Variants in DSN1 observed in about 807,000 individuals in gnomAD.
DSN1 encodes the protein kinetochore-associated protein DSN1 homolog.
A neutral mutation model predicts 45.7 loss-of-function variants in DSN1; 31 were observed. The observed-to-expected ratio is 0.68, with a 90% CI of 0.51 to 0.92. DSN1 has a LOEUF of 0.92. DSN1 is among the 40% of genes least tolerant of loss of function. The probability of loss-of-function intolerance (pLI) is 0.00; values close to 1 mark genes in which losing one functional copy is unlikely to be tolerated. For synonymous variants in DSN1, 134 were observed against 142.3 expected, an observed-to-expected ratio of 0.94 and a Z score of 0.41; for missense variants, 394 against 414.2, an observed-to-expected ratio of 0.95 and a Z score of 0.42.
chr20:36,762,629 G>T, intron 5 of DSN1, 81 bp from the exon 6 acceptor site: 3 of 1,311,420 alleles, frequency 2.3e-6, no homozygotes, highest in Non-Finnish European at 3.2e-6. Context: ...GTATATTAAG[G>T]TAGTCTCAGC....
chr20:36,754,728 G>A (rs1291564689), intron 10 of DSN1, 35 bp downstream of exon 10: 12 of 1,586,582 alleles, frequency 7.6e-6, no homozygotes, highest in Non-Finnish European at 1.0e-5. Context: ...ATGGAAAACA[G>A]CCTGAACTCT....
At chr20:36,766,680 T>C in intron 5 of DSN1, 89 bp downstream of exon 5, 3 of 1,168,466 alleles carry the variant, frequency 2.6e-6, no homozygotes, top group Non-Finnish European at 3.7e-6. Context: ...GAGCTAGTTT[T>C]ATAAGGGAGC....
intron 5 of DSN1, 102 bp from the exon 6 acceptor site, chr20:36,762,650 G>T: frequency 2.0e-6 from 2 of 1,008,534 alleles, no homozygotes; most frequent in Non-Finnish European, 2.8e-6. Context: ...TCTAGGTACT[G>T]TTACATGTTG....
At chr20:36,771,891 A>G (rs1477051576) in intron 1 of DSN1, among the ~76,000 whole-genome samples, 1 of 152,072 alleles carries the variant, frequency 6.6e-6, no homozygotes, top group East Asian at 1.9e-4. Context: ...TAGTTTATTT[A>G]TTATTTTGAG....
intron 5 of DSN1, among the ~76,000 whole-genome samples, chr20:36,763,879 CTG>C (rs796856908): frequency 4.5e-4 from 33 of 73,020 alleles, no homozygotes; most frequent in African/African-American, 1.8e-3. Context: ...GAGCAAAACT[CTG>C]TCTCAAAAAA....
At chr20:36,767,221 C>G (rs1032428903) in intron 4 of DSN1, among the ~76,000 whole-genome samples, 1 of 151,896 alleles carries the variant, frequency 6.6e-6, no homozygotes, top group African/African-American at 2.4e-5. Context: ...GCGGTAGAAT[C>G]GCTTGAACCT....
At chr20:36,771,947 C>G (rs1278559156) in intron 1 of DSN1, among the ~76,000 whole-genome samples, 1 of 152,238 alleles carries the variant, frequency 6.6e-6, no homozygotes, top group Non-Finnish European at 1.5e-5. Flanking sequence ...GTAGCACAAT[C>G]TTGGCTCACT....
Position 36,754,820 on chromosome 20 carries a change from G to A in DSN1, c.904C>T (p.Leu302=). The A allele has an allele frequency of 6.2e-7, 1 of 1,613,898 alleles. No individual in the cohort carries two copies. Among genetic ancestry groups the A allele is most frequent in the Non-Finnish European group, 8.5e-7 (1 of 1,179,866 alleles). ...GTACTTTCATCCATAAAGGCCTGCA[G>A]CTGTTTCACTGATCCTTGCAGTTCA... The part of the protein sequence containing the change: ...MDELQGSVKQ[L]QAFMDESTQC... Residue 302 remains leucine, a synonymous_variant, in exon 10 of 11, where the codon CTG becomes TTG. Transcript: ENST00000373750.
chr20:36,762,485 T>C lies in DSN1; in HGVS notation c.566A>G (p.Gln189Arg). ...ADGLETDGTL[Q>R]KCFEDSNGKA... ...CCCATTTGAATCTTCAAAACATTTTTGTAGAGTTCCATCAGTTTCCAGTCC... is the reference window on the plus strand; with the variant it reads ...CCCATTTGAATCTTCAAAACATTTTCGTAGAGTTCCATCAGTTTCCAGTCC... The change falls in exon 6 of 11, where the codon CAA (glutamine) becomes CGA (arginine). Residue 189 changes from glutamine to arginine, a missense_variant. By Grantham distance (43) the Gln-to-Arg change is conservative. Coordinates refer to ENST00000373750, the MANE Select transcript of DSN1 (RefSeq NM_001145315.2). 6.2e-7 allele frequency: 1 copy of C among 1,613,810 alleles called. No individual in the cohort carries two copies. The highest frequency in any genetic ancestry group is 8.5e-7 in the Non-Finnish European group (1 of 1,179,866).
chr20:36,765,239 G>T (rs556205284), intron 5 of DSN1, among the ~76,000 whole-genome samples: 22 of 120,120 alleles, frequency 1.8e-4, no homozygotes, highest in African/African-American at 7.7e-4. Flanking sequence ...GTGCCAAAAG[G>T]CTTGTGTTAA....
intron 3 of DSN1, among the ~76,000 whole-genome samples, chr20:36,769,939 AC>A (rs1342653880): frequency 7.3e-6 from 1 of 137,760 alleles, no homozygotes; most frequent in African/African-American, 2.7e-5. Flanking sequence ...ACACACACAC[AC>A]AGAGAGAGAG....
chr20:36,768,232 T>TA (rs199604524), intron 3 of DSN1, among the ~76,000 whole-genome samples, 190 bp from the exon 4 acceptor site: 34 of 146,000 alleles, frequency 2.3e-4, no homozygotes, highest in African/African-American at 3.0e-4. Flanking sequence ...CATCTAAACT[T>TA]AAAAAAAAAA....
chr20:36,759,544 CGCAATCTTGGCTCACT>C (rs927348761), intron 6 of DSN1, among the ~76,000 whole-genome samples: 1 of 151,952 alleles, frequency 6.6e-6, no homozygotes, highest in Non-Finnish European at 1.5e-5. Flanking sequence ...AGTGCAGTGG[CGCAATCTTGGCTCACT>C]GCAAGCTTCA....
At chr20:36,763,692 T>G (rs1156435120) in intron 5 of DSN1, among the ~76,000 whole-genome samples, 3 of 151,208 alleles carry the variant, frequency 2.0e-5, no homozygotes, top group Non-Finnish European at 4.4e-5. Flanking sequence ...ATCAACACCA[T>G]CCTGGCCAAC....
At chr20:36,769,946 G>C (rs540002875) in intron 3 of DSN1, among the ~76,000 whole-genome samples, 2,328 of 131,088 alleles carry the variant, frequency 0.018, 94 homozygotes, top group African/African-American at 0.068. Context: ...CACACAGAGA[G>C]AGAGAGACAG....
intron 8 of DSN1, 63 bp downstream of exon 8, chr20:36,758,024 G>A (rs946690906): frequency 2.7e-6 from 4 of 1,470,506 alleles, no homozygotes; most frequent in African/African-American, 1.4e-5. Context: ...TAACAGAACT[G>A]AAATAAACAC....
At chr20:36,754,205 A>C (rs1340260599) in intron 10 of DSN1, among the ~76,000 whole-genome samples, 1 of 151,952 alleles carries the variant, frequency 6.6e-6, no homozygotes, top group East Asian at 1.9e-4. Context: ...GTGGTGGTGC[A>C]TGCTTTTAGT....
rs148628979 is a variant in DSN1, at chr20:36,763,885, C to CAAAA, written c.503-1341_503-1338dup. Among the ~76,000 whole-genome samples the CAAAA allele has an allele frequency of 3.1e-3, 116 of 37,430 alleles. 7 individuals carry two copies. Among genetic ancestry groups the CAAAA allele is most frequent in the African/African-American group, 4.3e-3 (36 of 8,340 alleles). 24.6% of individuals were successfully genotyped at this position (37,430 alleles called of 152,430 possible). ...CTGGCAACAGAGCAAAACTCTGTCT[C>CAAAA]AAAAAAAAAAAAAAAAAAAAAAAAA... On this transcript the variant is annotated intron_variant, in intron 5 of 10. Coordinates refer to ENST00000373750, the MANE Select transcript of DSN1 (RefSeq NM_001145315.2).
chr20:36,770,391 C>T (rs1987582326), intron 3 of DSN1, among the ~76,000 whole-genome samples: 1 of 152,114 alleles, frequency 6.6e-6, no homozygotes, highest in South Asian at 2.1e-4. Flanking sequence ...TGTGCATCTT[C>T]CCTCTGAGGT....
Sources: allele counts gnomAD v4.1 joint callset (sites outside exome capture counted in the v4.1 genomes callset), GRCh38; gene constraint gnomAD v4.1.1; transcripts MANE v1.5; gene names NCBI Gene and HGNC (gene_info 2026-07-23, HGNC 2026-07-21).